The following MYO1E variants were observed in gnomAD, a reference collection of about 807,000 sequenced individuals.
MYO1E encodes the protein unconventional myosin-Ie.
In MYO1E, 68 loss-of-function variants were observed where a neutral mutation model predicts 151.1. The observed-to-expected ratio is 0.45, with a 90% CI of 0.37 to 0.55. MYO1E has a LOEUF of 0.55. MYO1E is among the 20% of genes least tolerant of loss of function. The probability of loss-of-function intolerance (pLI) is 0.00; values close to 1 mark genes in which losing one functional copy is unlikely to be tolerated. For synonymous variants in MYO1E, 601 were observed against 501.7 expected, an observed-to-expected ratio of 1.20 and a Z score of -2.64; for missense variants, 1,363 against 1,389.3, an observed-to-expected ratio of 0.98 and a Z score of 0.30.
intron 4 of MYO1E, among the ~76,000 whole-genome samples, chr15:59,250,019 T>C (rs549119798): frequency 1.2e-4 from 19 of 152,038 alleles, no homozygotes; most frequent in Admixed American, 5.2e-4. Flanking sequence ...CAGGGTCAGG[T>C]GAGCATGAAC....
intron 26 of MYO1E, among the ~76,000 whole-genome samples, chr15:59,145,748 G>T (rs1453731647): frequency 6.6e-6 from 1 of 152,178 alleles, no homozygotes; most frequent in African/African-American, 2.4e-5. Flanking sequence ...GCTGATGTAT[G>T]GTAGAAATAC....
chr15:59,210,690 AAG>A (rs2079873507), intron 12 of MYO1E, 90 bp from the exon 13 acceptor site: 1 of 898,412 alleles, frequency 1.1e-6, no homozygotes, highest in Admixed American at 1.9e-5. Flanking sequence ...ATTCCCATAA[AAG>A]AGAAAAACCT....
intron 14 of MYO1E, chr15:59,206,857 C>G (rs1424924143): frequency 7.1e-7 from 1 of 1,408,198 alleles, no homozygotes; most frequent in East Asian, 2.4e-5. Flanking sequence ...TGCTGAAGGT[C>G]CTGCCAACGG....
chr15:59,151,010 GACACACACACACACACACACAC>G (rs60541381), intron 26 of MYO1E, among the ~76,000 whole-genome samples: 122 of 141,186 alleles, frequency 8.6e-4, no homozygotes, highest in African/African-American at 2.8e-3. Flanking sequence ...AGAGGAGAGG[GACACACACACACACACACACAC>G]ACACACACAC....
intron 1 of MYO1E, among the ~76,000 whole-genome samples, chr15:59,368,749 A>C (rs896636049): frequency 1.3e-5 from 2 of 152,126 alleles, no homozygotes; most frequent in African/African-American, 4.8e-5. Context: ...CCAACTCAAA[A>C]AAAAAAAGTT....
chr15:59,240,393 G>T (rs1044070221), intron 4 of MYO1E, among the ~76,000 whole-genome samples: 1 of 152,104 alleles, frequency 6.6e-6, no homozygotes, highest in Admixed American at 6.5e-5. Context: ...TGTGGGGGGG[G>T]TCTGTGTACT....
intron 10 of MYO1E, among the ~76,000 whole-genome samples, chr15:59,216,931 C>T (rs1433156790): frequency 6.8e-6 from 1 of 147,022 alleles, no homozygotes; most frequent in Non-Finnish European, 1.5e-5. Context: ...CTTGCTCATT[C>T]TCTCTTTCAG....
intron 25 of MYO1E, among the ~76,000 whole-genome samples, chr15:59,157,736 T>C (rs544077290): frequency 3.3e-4 from 50 of 152,354 alleles, no homozygotes; most frequent in African/African-American, 1.2e-3. Context: ...ATATCTTCTA[T>C]CTGTAACACT....
intron 4 of MYO1E, among the ~76,000 whole-genome samples, chr15:59,255,748 G>T (rs1226772518): frequency 2.0e-5 from 3 of 152,148 alleles, no homozygotes; most frequent in African/African-American, 7.2e-5. Flanking sequence ...GAAAGTTTAC[G>T]AATTTGCTTT....
intron 1 of MYO1E, among the ~76,000 whole-genome samples, chr15:59,299,819 A>G (rs546303932): frequency 1.3e-5 from 2 of 152,340 alleles, no homozygotes; most frequent in Admixed American, 6.5e-5. Flanking sequence ...AATTCTGACG[A>G]TAATTAGCTC....
chr15:59,293,648 G>T (rs1167285383), intron 1 of MYO1E, among the ~76,000 whole-genome samples: 1 of 152,158 alleles, frequency 6.6e-6, no homozygotes. Flanking sequence ...CCTAACATAT[G>T]TACAGTGTTG....
intron 18 of MYO1E, among the ~76,000 whole-genome samples, chr15:59,185,307 G>A (rs573675617): frequency 7.9e-5 from 12 of 151,892 alleles, no homozygotes; most frequent in South Asian, 2.1e-4. Flanking sequence ...TCACTCTGTC[G>A]CCCAGGCTGG....
chr15:59,358,511 G>C (rs1290191256), intron 1 of MYO1E, among the ~76,000 whole-genome samples: 1 of 152,000 alleles, frequency 6.6e-6, no homozygotes, highest in Non-Finnish European at 1.5e-5. Context: ...AGAAGGAAAA[G>C]GCCATCCCAG....
chr15:59,191,631 T>C (rs2079735263), intron 17 of MYO1E, among the ~76,000 whole-genome samples: 1 of 152,186 alleles, frequency 6.6e-6, no homozygotes, highest in Admixed American at 6.5e-5. Context: ...GAAGGAATAT[T>C]CCTCATGTTA....
At chr15:59,149,056 T>TG (rs2079459937) in intron 26 of MYO1E, among the ~76,000 whole-genome samples, 26 of 62,238 alleles carry the variant, frequency 4.2e-4, no homozygotes, top group Non-Finnish European at 5.1e-4. Flanking sequence ...TTTTTTGTTT[T>TG]TTTTTTTTTT....
intron 1 of MYO1E, among the ~76,000 whole-genome samples, chr15:59,321,662 T>C (rs1429964828): frequency 2.0e-5 from 3 of 152,144 alleles, no homozygotes; most frequent in Non-Finnish European, 2.9e-5. Flanking sequence ...ATGGCACCAA[T>C]AGACATGGGG....
chr15:59,236,765 C>CA (rs1451889890), intron 4 of MYO1E, 93 bp from the exon 5 acceptor site: 47 of 1,173,866 alleles, frequency 4.0e-5, no homozygotes, highest in East Asian at 2.6e-4. Flanking sequence ...AACAAACAAA[C>CA]AAAAAAACAA....
rs188776530 is a variant in MYO1E, at chr15:59,284,795, C to T, written c.4-12346G>A. Reference sequence around the variant, plus strand: ...CAGCCTGGATGATTAACTTTTTAAACAGAATAACAGGCAATTAATCTTCAC... The same window carrying T: ...CAGCCTGGATGATTAACTTTTTAAATAGAATAACAGGCAATTAATCTTCAC... On this transcript the variant is annotated intron_variant, in intron 1 of 27. Coordinates refer to ENST00000288235, the MANE Select transcript of MYO1E (RefSeq NM_004998.4). Among the ~76,000 whole-genome samples, 431 of 152,218 alleles carry T rather than the reference C, an allele frequency of 2.8e-3. 1 individual carries two copies. The highest frequency in any genetic ancestry group is 5.4e-3 in the Non-Finnish European group (366 of 68,012).
intron 26 of MYO1E, among the ~76,000 whole-genome samples, chr15:59,140,230 G>C (rs938577768): frequency 1.3e-5 from 2 of 152,092 alleles, no homozygotes; most frequent in East Asian, 3.9e-4. Flanking sequence ...AGATCTTCTA[G>C]CTTTAAAGTT....
Sources: gnomAD v4.1 joint callset for allele counts (sites outside exome capture counted in the v4.1 genomes callset) on GRCh38, gnomAD v4.1.1 for gene constraint, MANE v1.5 for transcripts, NCBI Gene and HGNC (gene_info 2026-07-23, HGNC 2026-07-21) for gene names.